PPP2R2B: variants seen among roughly 807,000 people sequenced by gnomAD.
PPP2R2B encodes protein phosphatase 2 regulatory subunit Bbeta.
A neutral mutation model predicts 46.0 loss-of-function variants in PPP2R2B; 5 were observed. The ratio of observed to expected loss-of-function variants is 0.11; its 90% CI spans 0.06 to 0.23. PPP2R2B has a LOEUF of 0.23. Among genes scored for constraint, PPP2R2B ranks in the 10% least tolerant of loss-of-function variants. The pLI is 1.00. For synonymous variants in PPP2R2B, 215 were observed against 206.7 expected (o/e 1.04, Z -0.34); for missense variants, 367 against 575.0 (o/e 0.64, Z 3.70).
intron 1 of PPP2R2B, among the ~76,000 whole-genome samples, chr5:146,990,611 T>C (rs1753654599): frequency 6.6e-6 from 1 of 152,084 alleles, no homozygotes; most frequent in Non-Finnish European, 1.5e-5. Context: ...ACTATGAAAC[T>C]ATTAGTAGAA....
chr5:146,619,210 T>TAG (rs1773468364), intron 7 of PPP2R2B, among the ~76,000 whole-genome samples: 1 of 150,028 alleles, frequency 6.7e-6, no homozygotes, highest in East Asian at 2.0e-4. Flanking sequence ...TGTGGCAAAC[T>TAG]AGAGTGTCCA....
At chr5:146,929,599 T>C (rs1463655351) in intron 1 of PPP2R2B, among the ~76,000 whole-genome samples, 1 of 152,104 alleles carries the variant, frequency 6.6e-6, no homozygotes, top group Admixed American at 6.5e-5. Context: ...TGGGGTACAT[T>C]AGCATAGTAA....
At chr5:147,002,709 C>T (rs1754235174) in intron 1 of PPP2R2B, among the ~76,000 whole-genome samples, 1 of 148,558 alleles carries the variant, frequency 6.7e-6, no homozygotes, top group Non-Finnish European at 1.5e-5. Context: ...GTGGGCGCAA[C>T]TCTTCTGATC....
At chr5:146,911,621 G>C (rs1763186331) in intron 1 of PPP2R2B, among the ~76,000 whole-genome samples, 1 of 152,196 alleles carries the variant, frequency 6.6e-6, no homozygotes, top group Non-Finnish European at 1.5e-5. Context: ...CAGGGACGAG[G>C]AAGACACTTC....
At chr5:146,846,434 C>T (rs1561954547) in intron 2 of PPP2R2B, among the ~76,000 whole-genome samples, 1 of 151,952 alleles carries the variant, frequency 6.6e-6, no homozygotes, top group Non-Finnish European at 1.5e-5. Flanking sequence ...AATCCCAGCA[C>T]TTTGGGAGGC....
chr5:146,700,933 A>G, intron 3 of PPP2R2B, 112 bp downstream of exon 3: 1 of 950,776 alleles, frequency 1.1e-6, no homozygotes, highest in Non-Finnish European at 1.7e-6. Context: ...GGCAGTTTTT[A>G]GTTTTCGAGC....
chr5:146,838,570 C>CAAA (rs67308237), intron 2 of PPP2R2B, among the ~76,000 whole-genome samples: 1,354 of 97,196 alleles, frequency 0.014, 28 homozygotes, highest in African/African-American at 0.044. Flanking sequence ...GCCTCCATCT[C>CAAA]AAAAAAAAAA....
At chr5:146,701,232 G>T (rs1339354273) in intron 2 of PPP2R2B, 90 bp from the exon 3 acceptor site, 3 of 1,137,340 alleles carry the variant, frequency 2.6e-6, no homozygotes, top group Non-Finnish European at 4.0e-6. Flanking sequence ...GCATTTAAGG[G>T]CTTAGGGCTT....
chr5:146,743,027 T>C (rs775854265), intron 2 of PPP2R2B, among the ~76,000 whole-genome samples: 14 of 152,166 alleles, frequency 9.2e-5, no homozygotes, highest in Non-Finnish European at 1.5e-4. Flanking sequence ...TCTTGGACTT[T>C]TAGCCTCCAG....
At chr5:146,939,461 G>T (rs1764256214) in intron 1 of PPP2R2B, among the ~76,000 whole-genome samples, 1 of 152,150 alleles carries the variant, frequency 6.6e-6, no homozygotes, top group Non-Finnish European at 1.5e-5. Flanking sequence ...TCGCTTAAAT[G>T]GTAAATCCTC....
intron 2 of PPP2R2B, among the ~76,000 whole-genome samples, chr5:146,711,029 T>C (rs1780187158): frequency 6.6e-6 from 1 of 152,188 alleles, no homozygotes; most frequent in African/African-American, 2.4e-5. Flanking sequence ...CCAACACAGC[T>C]CCCTTTATTA....
chr5:146,961,668 C>G (rs757648775), intron 1 of PPP2R2B, among the ~76,000 whole-genome samples: 2 of 152,036 alleles, frequency 1.3e-5, no homozygotes, highest in Non-Finnish European at 1.5e-5. Context: ...AGTATTAACC[C>G]ATTGAAAACC....
At chr5:146,788,685 C>T (rs113351243) in intron 2 of PPP2R2B, among the ~76,000 whole-genome samples, 75 of 152,312 alleles carry the variant, frequency 4.9e-4, no homozygotes, top group African/African-American at 1.7e-3. Context: ...GGTCCGAGAT[C>T]GTGCATCATT....
chr5:146,878,821 CA>C, upstream of PPP2R2B: 1 of 1,264,456 alleles, frequency 7.9e-7, no homozygotes, highest in South Asian at 1.4e-5. This position sits in a 1 kb window ranked among gnomAD's most constrained non-coding sequence, Gnocchi z 4.5. Flanking sequence ...TCAGCAGCCC[CA>C]CGACTCTTTC....
At chr5:146,859,432 T>G (rs1478559274) in intron 2 of PPP2R2B, among the ~76,000 whole-genome samples, 4 of 152,124 alleles carry the variant, frequency 2.6e-5, no homozygotes, top group South Asian at 2.1e-4. Flanking sequence ...TTCTTAAGAG[T>G]TGAAAACTAT....
chr5:146,829,040 A>G (rs1377661160), intron 2 of PPP2R2B, among the ~76,000 whole-genome samples: 1 of 152,188 alleles, frequency 6.6e-6, no homozygotes, highest in Non-Finnish European at 1.5e-5. Context: ...AGACCTTTTT[A>G]TGGAAAGAAA....
chr5:146,723,688 T>G (rs1283569689), intron 2 of PPP2R2B, among the ~76,000 whole-genome samples: 1 of 152,162 alleles, frequency 6.6e-6, no homozygotes, highest in African/African-American at 2.4e-5. Flanking sequence ...CAATGGTCGA[T>G]GTACTTGTTC....
chr5:146,807,779 T>TC (rs1757273638), intron 2 of PPP2R2B, among the ~76,000 whole-genome samples: 1 of 66,602 alleles, frequency 1.5e-5, no homozygotes, highest in Non-Finnish European at 2.6e-5. Context: ...GTGCCTTCTT[T>TC]TTTTTTTTTT....
At chr5:147,064,298 T>C (rs1757355210) in intron 2 of PPP2R2B, among the ~76,000 whole-genome samples, 1 of 152,158 alleles carries the variant, frequency 6.6e-6, no homozygotes, top group African/African-American at 2.4e-5. Context: ...GACAAGGTAA[T>C]TGTTGTGTGC....
Sources: allele counts gnomAD v4.1 joint callset (sites outside exome capture counted in the v4.1 genomes callset), GRCh38; gene constraint gnomAD v4.1.1; non-coding constraint Gnocchi (gnomAD v3.1); transcripts MANE v1.5; gene names NCBI Gene and HGNC (gene_info 2026-07-23, HGNC 2026-07-21).